CDH5: variants seen among roughly 807,000 people sequenced by gnomAD.
The protein encoded by CDH5 is cadherin-5.
CDH5 carries 28 observed loss-of-function variants against 62.0 expected under a neutral mutation model. The observed-to-expected ratio is 0.45, with a 90% CI of 0.33 to 0.62. The LOEUF is 0.62. Ranked by LOEUF, CDH5 falls within the 20% of genes least tolerant of loss-of-function variation. The pLI is 0.02. For missense variants in CDH5, 940 were observed against 1,065.1 expected (o/e 0.88, Z 1.63); for synonymous variants, 464 against 445.8 (o/e 1.04, Z -0.52).
Position 66,403,030 on chromosome 16 carries a change from T to C in CDH5, c.2216T>C (p.Ile739Thr). 1.2e-6 allele frequency: 2 copies of C among 1,613,420 alleles called. No homozygotes were observed. The highest frequency in any genetic ancestry group is 1.7e-6 in the Non-Finnish European group (2 of 1,179,780). ...TACGGCTACGAGGGCTCCGAGTCCA[T>C]AGCCGAGTCCCTCAGCTCCCTGGGC... is the stretch of plus-strand genomic sequence containing the variant. ...HIYGYEGSESIAESLSSLGTD... is the reference protein window; with the variant it reads ...HIYGYEGSESTAESLSSLGTD... Residue 739 changes from isoleucine to threonine, a missense_variant, in exon 12 of 12, where the codon ATA becomes ACA. By Grantham distance (89) the Ile-to-Thr change is moderately conservative (BLOSUM62 -1). Coordinates refer to ENST00000341529, the MANE Select transcript of CDH5 (RefSeq NM_001795.5). This position sits in a 1 kb window ranked among gnomAD's most constrained non-coding sequence, Gnocchi z 4.3.
At chr16:66,398,186 C>T (rs1037638789) in intron 9 of CDH5, 80 bp downstream of exon 9, 3 of 1,518,572 alleles carry the variant, frequency 2.0e-6, no homozygotes, top group Middle Eastern at 1.7e-4. Flanking sequence ...ACAGAGTCAG[C>T]AGGAGTTCCC....
At chr16:66,398,774 G>C (rs1961233902) in intron 10 of CDH5, among the ~76,000 whole-genome samples, 1 of 152,184 alleles carries the variant, frequency 6.6e-6, no homozygotes, top group South Asian at 2.1e-4. Context: ...AACAGGGTCG[G>C]GGTGAGGTTA....
rs1222460370 is a variant in CDH5 at position 66,403,164 on chromosome 16, T to C, written c.2350T>C (p.Tyr784His). Residue 784 changes from tyrosine to histidine, a missense_variant, in exon 12 of 12, where the codon TAT (tyrosine) becomes CAT (histidine). Physicochemically the swap from Tyr to His is moderately conservative, Grantham distance 83. Coordinates refer to ENST00000341529, the MANE Select transcript of CDH5 (RefSeq NM_001795.5). The surrounding 1 kb of genome is among the most constrained non-coding windows in gnomAD (Gnocchi z 4.3). ...YGSDPREELL[Y>H] ...CTCGGACCCCCGGGAGGAGCTGCTG[T>C]ATTAGGCGGCCGAGGTCACTCTGGG... 1 of 1,609,110 alleles carries C rather than the reference T, an allele frequency of 6.2e-7. No homozygotes were observed. Among genetic ancestry groups the C allele is most frequent in the Non-Finnish European group, 8.5e-7 (1 of 1,178,472 alleles).
intron 1 of CDH5, among the ~76,000 whole-genome samples, chr16:66,374,680 C>G (rs1239190502): frequency 6.6e-6 from 1 of 150,806 alleles, no homozygotes; most frequent in African/African-American, 2.4e-5. Context: ...GGTGTAGGTA[C>G]AGCCGTGCAT....
chr16:66,388,913 G>C (rs181244184), intron 4 of CDH5, among the ~76,000 whole-genome samples: 73 of 152,252 alleles, frequency 4.8e-4, no homozygotes, highest in Non-Finnish European at 7.9e-4. Flanking sequence ...AAGGCAGCAA[G>C]GCCCATAGTA....
At chr16:66,372,834 G>A (rs917501797) in intron 1 of CDH5, among the ~76,000 whole-genome samples, 6 of 152,124 alleles carry the variant, frequency 3.9e-5, no homozygotes, top group South Asian at 2.1e-4. Context: ...CACTCACTCC[G>A]TCCTCTCATT....
At chr16:66,388,131 C>T (rs1285522531) in intron 3 of CDH5, among the ~76,000 whole-genome samples, 193 bp from the exon 4 acceptor site, 1 of 152,160 alleles carries the variant, frequency 6.6e-6, no homozygotes, top group East Asian at 1.9e-4. Flanking sequence ...TCAAGGTTGA[C>T]CTGGCTGGGC....
chr16:66,402,570 GGGGGCAGT>G (rs1165183569), intron 11 of CDH5, 74 bp from the exon 12 acceptor site: 3 of 1,257,238 alleles, frequency 2.4e-6, no homozygotes, highest in Non-Finnish European at 3.2e-6. Context: ...TGGGGTTGCA[GGGGGCAGT>G]GGGGATGGGG....
chr16:66,379,362 G>C lies in CDH5; in HGVS notation c.25G>C (p.Ala9Pro). 6.2e-7 allele frequency: 1 copy of C among 1,612,654 alleles called. No homozygotes were observed. Among genetic ancestry groups the C allele is most frequent in the Non-Finnish European group, 8.5e-7 (1 of 1,179,290 alleles). The change falls in exon 2 of 12, where the codon GCC (alanine) becomes CCC (proline). Residue 9 changes from alanine to proline, a missense_variant. Physicochemically the swap from Ala to Pro is conservative, Grantham distance 27. Transcript: ENST00000341529. ...GATGCAGAGGCTCATGATGCTCCTC[G>C]CCACATCGGGCGCCTGCCTGGGCCT... MQRLMMLL[A>P]TSGACLGLLA...
At chr16:66,384,986 C>A (rs1027594511) in intron 2 of CDH5, among the ~76,000 whole-genome samples, 2 of 149,212 alleles carry the variant, frequency 1.3e-5, no homozygotes, top group East Asian at 4.1e-4. Flanking sequence ...AACAAAAAAG[C>A]AATGTTGCAC....
In CDH5 at chr16:66,389,110, G is replaced by T. The variant is rs1318642492; in HGVS notation, c.617-248G>T. Among the ~76,000 whole-genome samples the T allele has an allele frequency of 2.0e-5, 3 of 152,198 alleles. No homozygotes were observed. The East Asian group carries it at 5.8e-4, about 29-fold the overall frequency. ...CTCTTTCCATCTGAGCCTAGATATG[G>T]CCTCATGGTCTTTGTCAACACAATA... On this transcript the variant is annotated intron_variant, in intron 4 of 11. Coordinates refer to ENST00000341529, the MANE Select transcript of CDH5 (RefSeq NM_001795.5).
chr16:66,399,104 C>G (rs1391373807), intron 10 of CDH5, among the ~76,000 whole-genome samples: 1 of 152,172 alleles, frequency 6.6e-6, no homozygotes, highest in Admixed American at 6.5e-5. Flanking sequence ...AGGTCATTCC[C>G]AAAGAGTCAA....
chr16:66,372,426 C>CG (rs923437727), intron 1 of CDH5, among the ~76,000 whole-genome samples: 1 of 152,194 alleles, frequency 6.6e-6, no homozygotes, highest in Non-Finnish European at 1.5e-5. Context: ...AGCAAGTGCA[C>CG]GGGCAGGGAG....
intron 1 of CDH5, among the ~76,000 whole-genome samples, chr16:66,370,220 G>T (rs141094771): frequency 3.9e-5 from 6 of 152,070 alleles, no homozygotes; most frequent in Non-Finnish European, 5.9e-5. Context: ...GGCTGGTTGC[G>T]AACTCCTGAC....
At chr16:66,381,613 A>G (rs1165393924) in intron 2 of CDH5, among the ~76,000 whole-genome samples, 1 of 152,178 alleles carries the variant, frequency 6.6e-6, no homozygotes, top group Non-Finnish European at 1.5e-5. Flanking sequence ...TGTGCTAGAG[A>G]AAGGAAGGAC....
chr16:66,397,937 C>A, intron 8 of CDH5, 45 bp from the exon 9 acceptor site: 1 of 1,612,570 alleles, frequency 6.2e-7, no homozygotes, highest in African/African-American at 1.3e-5. Flanking sequence ...CGCCCAAGGC[C>A]AGCATCAGCT....
intron 1 of CDH5, among the ~76,000 whole-genome samples, chr16:66,374,222 C>T (rs908394273): frequency 1.3e-5 from 2 of 152,152 alleles, no homozygotes; most frequent in African/African-American, 2.4e-5. Flanking sequence ...CCTCCTCCAC[C>T]GTCCCAGGCG....
Position 66,402,943 on chromosome 16 carries a change from A to C in CDH5, c.2129A>C (p.Glu710Ala). 1 of 1,612,462 alleles carries C rather than the reference A, an allele frequency of 6.2e-7. No homozygotes were observed. The highest frequency in any genetic ancestry group is 8.5e-7 in the Non-Finnish European group (1 of 1,179,860). The part of the protein sequence containing the change: ...GGPGEMAAMI[E>A]VKKDEADHDG... ...CCCGGGGAGATGGCAGCCATGATCG[A>C]GGTGAAGAAGGACGAGGCGGACCAC... Residue 710 changes from glutamate (E) to alanine (A), a missense_variant, in exon 12 of 12, where the codon GAG becomes GCG. Glu to Ala is a moderately radical substitution (Grantham distance 107). Transcript: ENST00000341529.
chr16:66,402,927 A>G lies in CDH5; in HGVS notation c.2113A>G (p.Met705Val), dbSNP rs755845852. 5 of 1,611,852 alleles carry G rather than the reference A, an allele frequency of 3.1e-6. No individual in the cohort carries two copies. The South Asian group carries it at 3.3e-5, about 11-fold the overall frequency. Residue 705 changes from methionine to valine, a missense_variant, in exon 12 of 12, where the codon ATG becomes GTG. Physicochemically the swap from Met to Val is conservative, Grantham distance 21. Transcript: ENST00000341529. ...APGAHGGPGE[M>V]AAMIEVKKDE... Reference sequence around the variant, plus strand: ...TGGGGCACACGGAGGGCCCGGGGAGATGGCAGCCATGATCGAGGTGAAGAA... The same window carrying G: ...TGGGGCACACGGAGGGCCCGGGGAGGTGGCAGCCATGATCGAGGTGAAGAA...
Sources: allele counts gnomAD v4.1 joint callset (sites outside exome capture counted in the v4.1 genomes callset), GRCh38; gene constraint gnomAD v4.1.1; non-coding constraint Gnocchi (gnomAD v3.1); transcripts MANE v1.5; gene names NCBI Gene and HGNC (gene_info 2026-07-23, HGNC 2026-07-21).